The following NXPE4 variants were observed in gnomAD, a reference collection of about 807,000 sequenced individuals.
The protein encoded by NXPE4 is NXPE family member 4.
Under a neutral mutation model 33.3 loss-of-function variants are expected in NXPE4, and 42 were observed. The observed-to-expected ratio is 1.26, with a 90% CI of 0.98 to 1.63. NXPE4 has a LOEUF of 1.63. Among genes scored for constraint, NXPE4 ranks in the 40% most tolerant of loss-of-function variants. The pLI is 0.00. For synonymous variants in NXPE4, 253 were observed against 234.9 expected (o/e 1.08, Z -0.71); for missense variants, 709 against 647.6 (o/e 1.09, Z -1.03).
At chr11:114,630,831 AAAAC>A in the NXPE4 span, among the ~76,000 whole-genome samples, 20 of 152,036 alleles carry the variant, frequency 1.3e-4, no homozygotes, top group East Asian at 3.5e-3. Context: ...TTACAAGAAA[AAAAC>A]AAACAACCCC....
chr11:114,582,470 G>T lies in NXPE4; in HGVS notation c.648C>A (p.His216Gln). Residue 216 changes from histidine to glutamine, a missense_variant, in exon 3 of 6, where the codon CAC becomes CAA. By Grantham distance (24) the His-to-Gln change is conservative (BLOSUM62 0). Transcript: ENST00000375478. Reference protein sequence around the residue: ...GQFVNGTSQVHSECGLILNTN... With the variant: ...GQFVNGTSQVQSECGLILNTN... ...TGTTTAGGATCAGGCCACATTCAGA[G>T]TGGACTTGGGAAGTGCCATTGACAA... 6.2e-7 allele frequency: 1 copy of T among 1,614,174 alleles called. No individual in the cohort carries two copies. The highest frequency in any genetic ancestry group is 8.5e-7 in the Non-Finnish European group (1 of 1,180,012).
At chr11:114,607,583 GATAATAAGTC>G in the NXPE4 span, among the ~76,000 whole-genome samples, 8 of 152,008 alleles carry the variant, frequency 5.3e-5, no homozygotes, top group Non-Finnish European at 1.0e-4. Flanking sequence ...TTACCCAGTG[GATAATAAGTC>G]ATGCCTCGTG....
chr11:114,596,361 A>C (rs1316618841), upstream of NXPE4, among the ~76,000 whole-genome samples: 1 of 152,234 alleles, frequency 6.6e-6, no homozygotes, highest in Non-Finnish European at 1.5e-5. Flanking sequence ...ACCAGTGCCC[A>C]CAGGAAGCAG....
intron 2 of NXPE4, among the ~76,000 whole-genome samples, chr11:114,587,934 A>G (rs562606986): frequency 6.6e-6 from 1 of 152,256 alleles, no homozygotes; most frequent in Non-Finnish European, 1.5e-5. Flanking sequence ...GGGAGCCTTA[A>G]TTTTAATACT....
the NXPE4 span, among the ~76,000 whole-genome samples, chr11:114,671,897 AC>A: frequency 6.6e-6 from 1 of 152,054 alleles, no homozygotes; most frequent in Non-Finnish European, 1.5e-5. Context: ...ATAAAGACAT[AC>A]CTGAGACTGG....
chr11:114,589,658 G>A (rs1161089549), intron 2 of NXPE4, among the ~76,000 whole-genome samples: 2 of 152,114 alleles, frequency 1.3e-5, no homozygotes, highest in South Asian at 2.1e-4. Flanking sequence ...GGCAACTCAA[G>A]GAAGAATAGG....
the NXPE4 span, among the ~76,000 whole-genome samples, chr11:114,633,627 A>G: frequency 8.1e-6 from 1 of 124,066 alleles, no homozygotes; most frequent in African/African-American, 3.1e-5. Flanking sequence ...CCCCCAGCCC[A>G]CAACTGTCCC....
intron 2 of NXPE4, among the ~76,000 whole-genome samples, chr11:114,593,180 T>G (rs981875240): frequency 4.6e-5 from 7 of 152,010 alleles, no homozygotes; most frequent in Non-Finnish European, 1.0e-4. Flanking sequence ...ACAAATGGGA[T>G]TATATAAAAC....
chr11:114,627,961 A>T, the NXPE4 span, among the ~76,000 whole-genome samples: 1 of 152,022 alleles, frequency 6.6e-6, no homozygotes, highest in Non-Finnish European at 1.5e-5. Flanking sequence ...ACTCAACAAG[A>T]AGAGCTAACT....
chr11:114,582,031 C>T (rs1224595205), intron 3 of NXPE4, among the ~76,000 whole-genome samples: 1 of 152,212 alleles, frequency 6.6e-6, no homozygotes, highest in Non-Finnish European at 1.5e-5. Flanking sequence ...CACACATACA[C>T]ACATGTGCAT....
the NXPE4 span, among the ~76,000 whole-genome samples, chr11:114,665,515 C>G: frequency 6.6e-6 from 1 of 152,250 alleles, no homozygotes; most frequent in East Asian, 1.9e-4. Context: ...CTGAGGTTCT[C>G]AAAGCATGCA....
the NXPE4 span, among the ~76,000 whole-genome samples, chr11:114,663,312 G>T: frequency 6.6e-6 from 1 of 152,174 alleles, no homozygotes; most frequent in Non-Finnish European, 1.5e-5. Flanking sequence ...TAGCCTCAAT[G>T]CTCTGCCTAG....
chr11:114,589,496 A>G (rs1949391446), intron 2 of NXPE4, among the ~76,000 whole-genome samples: 1 of 152,102 alleles, frequency 6.6e-6, no homozygotes, highest in African/African-American at 2.4e-5. Flanking sequence ...GGGGGGACAT[A>G]TTATTTACAT....
the NXPE4 span, among the ~76,000 whole-genome samples, chr11:114,646,839 A>G: frequency 1.3e-5 from 2 of 152,218 alleles, no homozygotes; most frequent in African/African-American, 4.8e-5. Context: ...ACCATATGTG[A>G]TTCTCAATGT....
intron 2 of NXPE4, among the ~76,000 whole-genome samples, chr11:114,591,612 G>A (rs1322464108): frequency 6.6e-6 from 1 of 152,104 alleles, no homozygotes; most frequent in Non-Finnish European, 1.5e-5. Flanking sequence ...CATTTCTCGA[G>A]GGTATACTTT....
intron 2 of NXPE4, 81 bp from the exon 3 acceptor site, chr11:114,583,102 A>G (rs1025554955): frequency 4.1e-5 from 58 of 1,424,700 alleles, no homozygotes; most frequent in Admixed American, 1.1e-4. Flanking sequence ...GTAACATGCT[A>G]TGAAATTAAC....
the NXPE4 span, among the ~76,000 whole-genome samples, chr11:114,674,238 A>G: frequency 6.6e-6 from 1 of 151,834 alleles, no homozygotes; most frequent in Admixed American, 6.6e-5. Context: ...TACCAACAAA[A>G]ATGTTTAAAA....
At chr11:114,633,535 C>T in the NXPE4 span, among the ~76,000 whole-genome samples, 1 of 151,146 alleles carries the variant, frequency 6.6e-6, no homozygotes, top group African/African-American at 2.4e-5. Flanking sequence ...TCCATATATA[C>T]ATGTGCCATG....
intron 2 of NXPE4, among the ~76,000 whole-genome samples, chr11:114,588,061 C>T (rs921260272): frequency 6.6e-6 from 1 of 152,192 alleles, no homozygotes; most frequent in African/African-American, 2.4e-5. Flanking sequence ...GCACAATCAG[C>T]TCAGCTCTTT....
Sources: allele counts gnomAD v4.1 joint callset (sites outside exome capture counted in the v4.1 genomes callset), GRCh38; gene constraint gnomAD v4.1.1; transcripts MANE v1.5; gene names NCBI Gene and HGNC (gene_info 2026-07-23, HGNC 2026-07-21).